CYP7B1: variants seen among roughly 807,000 people sequenced by gnomAD.
CYP7B1 encodes cytochrome P450 7B1.
CYP7B1 carries 29 observed loss-of-function variants against 42.7 expected under a neutral mutation model. The observed-to-expected ratio is 0.68, with a 90% CI of 0.51 to 0.93. CYP7B1 has a LOEUF of 0.93. Among genes scored for constraint, CYP7B1 ranks in the 40% least tolerant of loss-of-function variants. The pLI is 0.00. For synonymous variants in CYP7B1, 235 were observed against 218.2 expected (o/e 1.08, Z -0.68); for missense variants, 655 against 600.5 (o/e 1.09, Z -0.95).
intron 1 of CYP7B1, among the ~76,000 whole-genome samples, chr8:64,669,048 C>T (rs1806325538): frequency 6.6e-6 from 1 of 152,038 alleles, no homozygotes; most frequent in Non-Finnish European, 1.5e-5. Flanking sequence ...TAGGTATTAG[C>T]TTATCTTCAA....
intron 1 of CYP7B1, among the ~76,000 whole-genome samples, chr8:64,687,304 A>G (rs1480668164): frequency 6.6e-6 from 1 of 152,234 alleles, no homozygotes; most frequent in Non-Finnish European, 1.5e-5. Flanking sequence ...ACATTATGCT[A>G]AAGGAAGAAG....
intron 1 of CYP7B1, among the ~76,000 whole-genome samples, chr8:64,722,732 A>AT (rs1437181932): frequency 1.4e-5 from 1 of 71,132 alleles, no homozygotes; most frequent in Non-Finnish European, 2.4e-5. Flanking sequence ...GAGTAGAATG[A>AT]TTTTTTGCGG....
At chr8:64,766,103 C>T (rs1807969682) in intron 1 of CYP7B1, among the ~76,000 whole-genome samples, 2 of 152,140 alleles carry the variant, frequency 1.3e-5, no homozygotes, top group African/African-American at 4.8e-5. Flanking sequence ...CCCCACAGGC[C>T]ACCAAGCAGT....
At chr8:64,656,113 A>G (rs993408711) in intron 1 of CYP7B1, among the ~76,000 whole-genome samples, 3 of 152,220 alleles carry the variant, frequency 2.0e-5, no homozygotes, top group Admixed American at 2.0e-4. Context: ...TCCCTGTTAC[A>G]TGAGTTTACC....
chr8:64,720,211 C>G (rs1807216663), intron 1 of CYP7B1, among the ~76,000 whole-genome samples: 1 of 152,008 alleles, frequency 6.6e-6, no homozygotes, highest in Non-Finnish European at 1.5e-5. Context: ...ATTTACATAA[C>G]AGAATGCAAA....
At position 64,725,819 on chromosome 8, in the gene CYP7B1, T is replaced by C. The variant is rs557306099; in HGVS notation, c.122+72647A>G. 7.6e-4 allele frequency among the ~76,000 whole-genome samples: 116 copies of C among 152,326 alleles called. 1 individual carries two copies. The highest frequency in any genetic ancestry group is 1.2e-3 in the Non-Finnish European group (81 of 68,022). On this transcript the variant is annotated intron_variant, in intron 1 of 5. Transcript: ENST00000310193. ...GAAAAGCATCTCTGACTGTTGATAA[T>C]CTAGATTCTGATCAGCTGCCTAGTA...
Position 64,624,393 on chromosome 8 carries a change from T to A in CYP7B1, c.259+10A>T, listed in dbSNP as rs1028371909. ...GACATATATAAGGTATTAATAGAAG[T>A]GCTTCTTACCACCAAGAAGAACTGT... On this transcript the variant is annotated intron_variant, in intron 2 of 5. Transcript: ENST00000310193. 6 of 1,613,290 alleles carry A rather than the reference T, an allele frequency of 3.7e-6. No homozygotes were observed. The highest frequency in any genetic ancestry group is 4.5e-5 in the East Asian group (2 of 44,812).
At chr8:64,708,375 A>C (rs1355268165) in intron 1 of CYP7B1, among the ~76,000 whole-genome samples, 3 of 152,190 alleles carry the variant, frequency 2.0e-5, no homozygotes, top group African/African-American at 7.2e-5. Context: ...ACAATCAGCC[A>C]ATATGTCACC....
At chr8:64,705,654 T>A (rs184972318) in intron 1 of CYP7B1, among the ~76,000 whole-genome samples, 66 of 152,120 alleles carry the variant, frequency 4.3e-4, no homozygotes, top group African/African-American at 1.6e-3. Context: ...GGTACACTTT[T>A]AAATCAGAAA....
At chr8:64,762,905 A>T (rs1167598859) in intron 1 of CYP7B1, among the ~76,000 whole-genome samples, 2 of 152,176 alleles carry the variant, frequency 1.3e-5, no homozygotes, top group African/African-American at 2.4e-5. Flanking sequence ...AGGTACACAT[A>T]GTGCACAAAA....
chr8:64,609,188 G>A (rs1200720190), intron 4 of CYP7B1, among the ~76,000 whole-genome samples: 1 of 152,060 alleles, frequency 6.6e-6, no homozygotes, highest in Non-Finnish European at 1.5e-5. Context: ...ATATATTTAT[G>A]GTGTACAACT....
At chr8:64,744,907 CA>C (rs1264647390) in intron 1 of CYP7B1, among the ~76,000 whole-genome samples, 1 of 152,260 alleles carries the variant, frequency 6.6e-6, no homozygotes, top group African/African-American at 2.4e-5. Flanking sequence ...AGCGTAATGA[CA>C]GTGAGTTGAG....
At chr8:64,615,609 A>G in intron 3 of CYP7B1, 82 bp downstream of exon 3, 1 of 1,361,736 alleles carries the variant, frequency 7.3e-7, no homozygotes, top group Non-Finnish European at 1.0e-6. Flanking sequence ...AAAATTTTCA[A>G]GGTCGCCATT....
chr8:64,586,981 C>T (rs1486435528), downstream of CYP7B1, among the ~76,000 whole-genome samples: 1 of 152,192 alleles, frequency 6.6e-6, no homozygotes, highest in Non-Finnish European at 1.5e-5. Context: ...TTCAGTTTAA[C>T]AGTAGAAACA....
At chr8:64,652,224 C>T (rs1480448603) in intron 1 of CYP7B1, among the ~76,000 whole-genome samples, 2 of 151,992 alleles carry the variant, frequency 1.3e-5, no homozygotes, top group African/African-American at 4.8e-5. Context: ...ATTTTTTTTG[C>T]CATATCCACG....
chr8:64,714,074 G>A (rs1807119841), intron 1 of CYP7B1, among the ~76,000 whole-genome samples: 1 of 152,184 alleles, frequency 6.6e-6, no homozygotes, highest in African/African-American at 2.4e-5. Context: ...CATGCTCAAT[G>A]TCGCCCAGCT....
At chr8:64,677,438 CAAAAAAAAAAAAAAAA>C (rs148821778) in intron 1 of CYP7B1, among the ~76,000 whole-genome samples, 4 of 87,300 alleles carry the variant, frequency 4.6e-5, no homozygotes, top group Non-Finnish European at 6.9e-5. Flanking sequence ...ATTTAGGAGC[CAAAAAAAAAAAAAAAA>C]AAAAAAAAAA....
At chr8:64,711,024 T>G (rs1480441441) in intron 1 of CYP7B1, among the ~76,000 whole-genome samples, 1 of 152,146 alleles carries the variant, frequency 6.6e-6, no homozygotes, top group Non-Finnish European at 1.5e-5. Context: ...ACAAACTGCA[T>G]TTATAGAAAC....
intron 1 of CYP7B1, among the ~76,000 whole-genome samples, chr8:64,781,313 A>C (rs1804419839): frequency 6.6e-6 from 1 of 152,156 alleles, no homozygotes; most frequent in Non-Finnish European, 1.5e-5. Context: ...CCATTACACT[A>C]GTTTTCTAAG....
Sources: gnomAD v4.1 joint callset for allele counts (sites outside exome capture counted in the v4.1 genomes callset) on GRCh38, gnomAD v4.1.1 for gene constraint, MANE v1.5 for transcripts, NCBI Gene and HGNC (gene_info 2026-07-23, HGNC 2026-07-21) for gene names.